The following TSPAN9 variants were observed in gnomAD, a reference collection of about 807,000 sequenced individuals.
TSPAN9 encodes tetraspanin-9.
A neutral mutation model predicts 31.0 loss-of-function variants in TSPAN9; 16 were observed. The ratio of observed to expected loss-of-function variants is 0.52; its 90% CI spans 0.35 to 0.78. TSPAN9 has a LOEUF of 0.78. Ranked by LOEUF, TSPAN9 falls within the 30% of genes least tolerant of loss-of-function variation. The pLI, the probability that TSPAN9 is intolerant of heterozygous loss-of-function variation, is 0.01. For synonymous variants in TSPAN9, 145 were observed against 121.6 expected (o/e 1.19, Z -1.27); for missense variants, 272 against 312.5 (o/e 0.87, Z 0.98).
At chr12:3,159,013 C>T (rs1300044373) in intron 2 of TSPAN9, among the ~76,000 whole-genome samples, 1 of 152,012 alleles carries the variant, frequency 6.6e-6, no homozygotes, top group African/African-American at 2.4e-5. Flanking sequence ...GTGCAGGTCT[C>T]TTCCAGGGCC....
intron 3 of TSPAN9, among the ~76,000 whole-genome samples, chr12:3,250,592 A>T (rs1259854958): frequency 6.6e-6 from 1 of 152,104 alleles, no homozygotes; most frequent in South Asian, 2.1e-4. Flanking sequence ...ACACAGGAAG[A>T]CCTTCTCATT....
At chr12:3,099,155 C>T (rs1434598325) in intron 2 of TSPAN9, among the ~76,000 whole-genome samples, 1 of 152,114 alleles carries the variant, frequency 6.6e-6, no homozygotes, top group Non-Finnish European at 1.5e-5. Context: ...CTTTCTGGTA[C>T]CCCAATTATA....
chr12:3,174,281 A>G (rs1208763072), intron 2 of TSPAN9, among the ~76,000 whole-genome samples: 3 of 152,102 alleles, frequency 2.0e-5, no homozygotes, highest in African/African-American at 4.8e-5. Context: ...TGCCCAGGCT[A>G]GTCTCAAACT....
intron 3 of TSPAN9, chr12:3,206,174 G>A (rs2098375060): frequency 2.5e-6 from 1 of 397,004 alleles, no homozygotes; most frequent in African/African-American, 2.0e-5. Context: ...CTTGGTGGCA[G>A]ACTCTGTGGC....
intron 2 of TSPAN9, among the ~76,000 whole-genome samples, chr12:3,164,570 A>AT (rs1407594263): frequency 1.3e-5 from 2 of 151,998 alleles, no homozygotes; most frequent in African/African-American, 4.8e-5. Context: ...GCGAGGGGAG[A>AT]TTGACACCCA....
At chr12:3,173,190 G>A (rs2098353043) in intron 2 of TSPAN9, 1 of 152,518 alleles carries the variant, frequency 6.6e-6, no homozygotes, top group African/African-American at 2.4e-5. Flanking sequence ...GGGTGGATGA[G>A]TTCAGTGGTT....
intron 3 of TSPAN9, among the ~76,000 whole-genome samples, chr12:3,226,146 G>C (rs1268443920): frequency 6.6e-6 from 1 of 152,086 alleles, no homozygotes; most frequent in Non-Finnish European, 1.5e-5. Context: ...GAGTGCAGAG[G>C]GAGGAGATGG....
intron 2 of TSPAN9, among the ~76,000 whole-genome samples, chr12:3,146,009 TC>T (rs2098337064): frequency 6.6e-6 from 1 of 152,332 alleles, no homozygotes; most frequent in East Asian, 1.9e-4. Context: ...GCGGTGGCCT[TC>T]CACCACGAGG....
intron 2 of TSPAN9, among the ~76,000 whole-genome samples, chr12:3,125,444 C>T (rs2098326915): frequency 6.6e-6 from 1 of 152,136 alleles, no homozygotes; most frequent in Non-Finnish European, 1.5e-5. Flanking sequence ...CTAACACATT[C>T]TTCCCCCCGC....
chr12:3,256,761 C>T (rs1259001212), intron 3 of TSPAN9, among the ~76,000 whole-genome samples: 1 of 152,166 alleles, frequency 6.6e-6, no homozygotes, highest in Non-Finnish European at 1.5e-5. Flanking sequence ...GCCTACAAGA[C>T]AGCAGGAGCC....
intron 2 of TSPAN9, among the ~76,000 whole-genome samples, chr12:3,109,721 C>T (rs1376832457): frequency 1.4e-5 from 2 of 147,738 alleles, no homozygotes; most frequent in African/African-American, 5.1e-5. Context: ...TTGCTTGAAC[C>T]TGGGAGGCGG....
At chr12:3,189,947 C>T (rs1178761928) in intron 2 of TSPAN9, among the ~76,000 whole-genome samples, 1 of 152,222 alleles carries the variant, frequency 6.6e-6, no homozygotes, top group African/African-American at 2.4e-5. Context: ...GTCCCTGCCA[C>T]CCATCCAGAC....
At chr12:3,213,092 G>A (rs1326885404) in intron 3 of TSPAN9, among the ~76,000 whole-genome samples, 1 of 152,198 alleles carries the variant, frequency 6.6e-6, no homozygotes, top group East Asian at 1.9e-4. Context: ...GTACAGCGGT[G>A]TGCTGGTTGC....
intron 3 of TSPAN9, among the ~76,000 whole-genome samples, chr12:3,252,765 A>C (rs764234471): frequency 1.3e-5 from 2 of 152,154 alleles, no homozygotes; most frequent in Non-Finnish European, 2.9e-5. Flanking sequence ...GAACAGAAAG[A>C]GGTGCCTCTC....
chr12:3,281,950 G>A (rs1306926682), intron 8 of TSPAN9, 133 bp downstream of exon 8: 1 of 1,016,066 alleles, frequency 9.8e-7, no homozygotes, highest in South Asian at 1.4e-5. Context: ...TTCAAGCTTA[G>A]CAGCTGTGCC....
In TSPAN9 at chr12:3,192,240, G is replaced by A. The variant is rs1047114918; in HGVS notation, c.-17-8937G>A. ...AGGCACACACACAATTGTAATCCAA[G>A]TAAGATGGGAAGCCACTGATGAGGT... On this transcript the variant is annotated intron_variant, in intron 2 of 8. Coordinates refer to ENST00000011898, the MANE Select transcript of TSPAN9 (RefSeq NM_006675.5). The surrounding 1 kb of genome is among the most constrained non-coding windows in gnomAD (Gnocchi z 4.6). Among the ~76,000 whole-genome samples, 7 of 152,306 alleles carry A rather than the reference G, an allele frequency of 4.6e-5. No homozygotes were observed. The highest frequency in any genetic ancestry group is 2.1e-4 in the South Asian group (1 of 4,830).
At chr12:3,198,288 T>C (rs1200915852) in intron 2 of TSPAN9, among the ~76,000 whole-genome samples, 20 of 54,762 alleles carry the variant, frequency 3.7e-4, no homozygotes, top group East Asian at 5.4e-4. Context: ...CCAGCACAGC[T>C]CACCACCAGC....
chr12:3,227,769 G>A (rs142663829), intron 3 of TSPAN9, among the ~76,000 whole-genome samples: 25 of 152,334 alleles, frequency 1.6e-4, no homozygotes, highest in Admixed American at 5.9e-4. Flanking sequence ...CTGGGACTTG[G>A]TGTCCATGGG....
rs1269772804 is a variant in TSPAN9, at chr12:3,247,313, GC to G, written c.64-31106del. Among the ~76,000 whole-genome samples the G allele has an allele frequency of 2.3e-3, 74 of 32,712 alleles. 10 individuals carry two copies. In the South Asian group the frequency reaches 0.032, roughly 14 times the overall value. 21.5% of individuals were successfully genotyped at this position (32,712 alleles called of 152,430 possible). ...ATTACTGGCCAGCCCCCCCCCCCCC[GC>G]CACCCGCGTCCCCAAGTAGAGTGAG... On this transcript the variant is annotated intron_variant, in intron 3 of 8. Coordinates refer to ENST00000011898, the MANE Select transcript of TSPAN9 (RefSeq NM_006675.5).
Sources: gnomAD v4.1 joint callset for allele counts (sites outside exome capture counted in the v4.1 genomes callset) on GRCh38, gnomAD v4.1.1 for gene constraint, Gnocchi (gnomAD v3.1) non-coding constraint, MANE v1.5 for transcripts, NCBI Gene and HGNC (gene_info 2026-07-23, HGNC 2026-07-21) for gene names.